The following RBKS variants were observed in gnomAD, a reference collection of about 807,000 sequenced individuals.
RBKS encodes ribokinase.
Under a neutral mutation model 33.9 loss-of-function variants are expected in RBKS, and 33 were observed. That is an observed-to-expected ratio of 0.97 (90% CI 0.74 to 1.30). The LOEUF is 1.30. Ranked by LOEUF, RBKS falls within the 50% of genes most tolerant of loss-of-function variation. The pLI, the probability that RBKS is intolerant of heterozygous loss-of-function variation, is 0.00. For missense variants in RBKS, 361 were observed against 392.6 expected, an observed-to-expected ratio of 0.92 and a Z score of 0.68; for synonymous variants, 125 against 143.0, an observed-to-expected ratio of 0.87 and a Z score of 0.90.
intron 2 of RBKS, among the ~76,000 whole-genome samples, chr2:27,851,149 C>T (rs1483047345): frequency 5.3e-5 from 8 of 152,338 alleles, no homozygotes; most frequent in Non-Finnish European, 4.4e-5. Context: ...CTGGTGTGTT[C>T]TATTCTTCCA....
At position 27,798,659 on chromosome 2, in the gene RBKS, C is replaced by T. The variant is rs1241506849; in HGVS notation, c.796-16871G>A. 2.6e-5 allele frequency among the ~76,000 whole-genome samples: 4 copies of T among 152,018 alleles called. No homozygotes were observed. The East Asian group carries it at 5.8e-4, about 22-fold the overall frequency. Reference sequence around the variant, plus strand: ...CTCTACACTACTGCAAATCTGTCCACGTGGCCCCCGTGGCATCAACTTCTT... The same window carrying T: ...CTCTACACTACTGCAAATCTGTCCATGTGGCCCCCGTGGCATCAACTTCTT... On this transcript the variant is annotated intron_variant, in intron 7 of 7. Coordinates refer to ENST00000302188, the MANE Select transcript of RBKS (RefSeq NM_022128.3).
At chr2:27,829,611 C>T (rs996164047) in intron 6 of RBKS, among the ~76,000 whole-genome samples, 2 of 151,950 alleles carry the variant, frequency 1.3e-5, no homozygotes, top group African/African-American at 2.4e-5. Context: ...TCGTGATCCA[C>T]CTGCCTTGGC....
intron 1 of RBKS, among the ~76,000 whole-genome samples, chr2:27,887,986 C>G (rs370449034): frequency 1.3e-5 from 2 of 152,264 alleles, no homozygotes; most frequent in East Asian, 3.9e-4. Context: ...TCCCCTACCC[C>G]ACCCCACAAA....
chr2:27,885,606 T>C (rs946038754), intron 1 of RBKS, among the ~76,000 whole-genome samples: 5 of 152,220 alleles, frequency 3.3e-5, no homozygotes, highest in African/African-American at 1.2e-4. Flanking sequence ...CCTTTAGGTC[T>C]TTACTCTAAA....
chr2:27,841,981 GGGATTTACCACCATGTACTACA>G (rs1218631239), intron 5 of RBKS, among the ~76,000 whole-genome samples: 2 of 151,748 alleles, frequency 1.3e-5, no homozygotes, highest in East Asian at 3.9e-4. Flanking sequence ...GGAAAAAATT[GGGATTTACCACCATGTACTACA>G]CCATGCTTGG....
At chr2:27,801,464 T>C (rs4630723) in intron 7 of RBKS, among the ~76,000 whole-genome samples, 29,743 of 136,376 alleles carry the variant, frequency 0.22, 4,009 homozygotes, top group East Asian at 0.59. Flanking sequence ...GGCCACAGTA[T>C]ACACACACAC....
At chr2:27,800,098 G>A (rs1197349646) in intron 7 of RBKS, among the ~76,000 whole-genome samples, 1 of 144,024 alleles carries the variant, frequency 6.9e-6, no homozygotes, top group African/African-American at 2.6e-5. Context: ...TGTCACCCAG[G>A]TTGGGTTACA....
In RBKS at chr2:27,890,336, A is replaced by G. The variant is rs1350414689; in HGVS notation, c.10T>C (p.Ser4Pro). The change falls in exon 1 of 8, where the codon TCT becomes CCT. Residue 4 changes from serine to proline, a missense_variant. Transcript: ENST00000302188. This position sits in a 1 kb window ranked among gnomAD's most constrained non-coding sequence, Gnocchi z 4.8. ...TGCCACTGCCTCTGGGGTTCCCCAG[A>G]CGCCGCCATCGCTCAAAGGTGCTGC... The part of the protein sequence containing the change: MAA[S>P]GEPQRQWQEE... The G allele has an allele frequency of 6.2e-7, 1 of 1,613,322 alleles. No homozygotes were observed. The highest frequency in any genetic ancestry group is 1.3e-5 in the African/African-American group (1 of 74,860).
At chr2:27,865,350 C>T (rs1320414154) in intron 1 of RBKS, among the ~76,000 whole-genome samples, 1 of 151,794 alleles carries the variant, frequency 6.6e-6, no homozygotes, top group Non-Finnish European at 1.5e-5. Flanking sequence ...AAACAAAATT[C>T]TTTAATCCGG....
At chr2:27,878,356 G>C (rs1194031660) in intron 1 of RBKS, among the ~76,000 whole-genome samples, 1 of 151,530 alleles carries the variant, frequency 6.6e-6, no homozygotes, top group Non-Finnish European at 1.5e-5. Flanking sequence ...CAAAGGACAT[G>C]AACTCATCAT....
chr2:27,885,357 G>C (rs1384897906), intron 1 of RBKS, among the ~76,000 whole-genome samples: 1 of 152,116 alleles, frequency 6.6e-6, no homozygotes, highest in African/African-American at 2.4e-5. Flanking sequence ...AGCCCTTGGA[G>C]AGATCCTATT....
intron 5 of RBKS, among the ~76,000 whole-genome samples, chr2:27,840,366 A>G (rs4988671): frequency 0.033 from 1,802 of 54,156 alleles, 13 homozygotes; most frequent in Middle Eastern, 0.15. Flanking sequence ...GCGCGCGCGC[A>G]CACACACACA....
intron 2 of RBKS, among the ~76,000 whole-genome samples, chr2:27,854,933 T>C (rs1663826048): frequency 6.6e-6 from 1 of 152,178 alleles, no homozygotes; most frequent in Non-Finnish European, 1.5e-5. Flanking sequence ...TTTGGCAAGA[T>C]AAAATAAGAT....
At chr2:27,877,554 T>C (rs930243934) in intron 1 of RBKS, among the ~76,000 whole-genome samples, 3 of 152,168 alleles carry the variant, frequency 2.0e-5, no homozygotes, top group Non-Finnish European at 4.4e-5. Flanking sequence ...TTATTTTGAT[T>C]TTTAAGGAAT....
At chr2:27,799,192 G>A (rs1451402772) in intron 7 of RBKS, among the ~76,000 whole-genome samples, 1 of 152,210 alleles carries the variant, frequency 6.6e-6, no homozygotes, top group East Asian at 1.9e-4. Flanking sequence ...GATAGAAAAG[G>A]GGACAAGTTG....
rs567504415 is a variant in RBKS at position 27,890,268 on chromosome 2, G to A, written c.78C>T (p.Thr26=). 12 of 1,613,712 alleles carry A rather than the reference G, an allele frequency of 7.4e-6. No homozygotes were observed. The African/African-American group carries it at 1.5e-4, about 20-fold the overall frequency. ...AAVVVVGSCM[T]DLVSLTSRLP... is the part of the protein sequence containing the mutation. The stretch of plus-strand genomic sequence containing the variant: ...GGCCCCGGACTAACCTGACCAGGTC[G>A]GTCATGCAGGAGCCCACCACTACCA... The change falls in exon 1 of 8, where the codon ACC becomes ACT. Residue 26 remains threonine (T), a synonymous_variant. Coordinates refer to ENST00000302188, the MANE Select transcript of RBKS (RefSeq NM_022128.3). The surrounding 1 kb of genome is among the most constrained non-coding windows in gnomAD (Gnocchi z 4.8).
At position 27,813,506 on chromosome 2, in the gene RBKS, G is replaced by T. The variant is rs192847393; in HGVS notation, c.795+14061C>A. On this transcript the variant is annotated intron_variant, in intron 7 of 7. Transcript: ENST00000302188. ...CAAAAACAGGTTTCTAAACAAATTAGGCATGGCTAAGAAGACAATTAATGA... is the reference window on the plus strand; with the variant it reads ...CAAAAACAGGTTTCTAAACAAATTATGCATGGCTAAGAAGACAATTAATGA... 7.2e-5 allele frequency among the ~76,000 whole-genome samples: 11 copies of T among 152,186 alleles called. No individual in the cohort carries two copies. In the East Asian group the frequency reaches 2.1e-3, roughly 29 times the overall value.
intron 7 of RBKS, among the ~76,000 whole-genome samples, chr2:27,822,661 A>G (rs535971532): frequency 6.6e-6 from 1 of 152,320 alleles, no homozygotes; most frequent in South Asian, 2.1e-4. Context: ...AGCTCTGAGT[A>G]GTTATGGGAC....
intron 7 of RBKS, among the ~76,000 whole-genome samples, chr2:27,792,057 T>G (rs764587087): frequency 6.6e-6 from 1 of 152,242 alleles, no homozygotes; most frequent in African/African-American, 2.4e-5. Flanking sequence ...TTGAAAACCT[T>G]GACAGTTACT....
Sources: allele counts gnomAD v4.1 joint callset (sites outside exome capture counted in the v4.1 genomes callset), GRCh38; gene constraint gnomAD v4.1.1; non-coding constraint Gnocchi (gnomAD v3.1); transcripts MANE v1.5; gene names NCBI Gene and HGNC (gene_info 2026-07-23, HGNC 2026-07-21).